Variants in TLL2 observed in about 807,000 individuals in gnomAD.
TLL2 encodes the protein tolloid like 2.
Under a neutral mutation model 123.0 loss-of-function variants are expected in TLL2, and 106 were observed. The observed-to-expected ratio is 0.86, with a 90% CI of 0.74 to 1.01. The LOEUF is 1.01. Among genes scored for constraint, TLL2 ranks in the 50% least tolerant of loss-of-function variants. The pLI is 0.00. For synonymous variants in TLL2, 494 were observed against 516.8 expected (o/e 0.96, Z 0.60); for missense variants, 1,332 against 1,336.7 (o/e 1.00, Z 0.06).
At chr10:96,420,078 C>T (rs1260440374) in intron 7 of TLL2, among the ~76,000 whole-genome samples, 1 of 152,162 alleles carries the variant, frequency 6.6e-6, no homozygotes, top group Non-Finnish European at 1.5e-5. Flanking sequence ...ATTTTTATCT[C>T]ATGTGTATAT....
At chr10:96,491,912 G>A (rs1463554681) in intron 1 of TLL2, among the ~76,000 whole-genome samples, 1 of 152,154 alleles carries the variant, frequency 6.6e-6, no homozygotes, top group Non-Finnish European at 1.5e-5. Context: ...GTAAGTACCT[G>A]TAAAGTACCT....
rs201122210 is a variant in TLL2, at chr10:96,392,447, GTT to G, written c.1726+2738_1726+2739del. ...AAGTTCAAATGTAACTAGGCATCCT[GTT>G]TTTTTTTTTTTAATTTCCTAAACCT... On this transcript the variant is annotated intron_variant, in intron 13 of 20. Transcript: ENST00000357947. Among the ~76,000 whole-genome samples, 431 of 146,716 alleles carry G rather than the reference GTT, an allele frequency of 2.9e-3. 1 individual carries two copies. Among genetic ancestry groups the G allele is most frequent in the African/African-American group, 0.01 (415 of 40,146 alleles).
chr10:96,381,333 C>G (rs927918953), intron 16 of TLL2, among the ~76,000 whole-genome samples: 3 of 152,198 alleles, frequency 2.0e-5, no homozygotes, highest in African/African-American at 4.8e-5. Context: ...TTCATCGGGT[C>G]CCTACTCTTC....
chr10:96,487,992 C>T (rs1564917565), intron 1 of TLL2, among the ~76,000 whole-genome samples: 1 of 152,238 alleles, frequency 6.6e-6, no homozygotes, highest in African/African-American at 2.4e-5. Flanking sequence ...CCCCAGCTCA[C>T]GTCCTGCCTG....
At chr10:96,430,755 G>A (rs1351128279) in intron 4 of TLL2, among the ~76,000 whole-genome samples, 1 of 152,106 alleles carries the variant, frequency 6.6e-6, no homozygotes, top group Non-Finnish European at 1.5e-5. Context: ...GGTGGCACAC[G>A]CCTGTAGTCT....
At chr10:96,429,289 G>A (rs1846711923) in intron 4 of TLL2, among the ~76,000 whole-genome samples, 1 of 150,996 alleles carries the variant, frequency 6.6e-6, no homozygotes, top group South Asian at 2.1e-4. Flanking sequence ...TATGGTGATC[G>A]AGACATAATA....
intron 18 of TLL2, 79 bp downstream of exon 18, chr10:96,376,613 A>G (rs1846139724): frequency 4.0e-6 from 6 of 1,491,162 alleles, no homozygotes; most frequent in Non-Finnish European, 4.6e-6. Context: ...AGAGCTGGGA[A>G]GTGGCAGAGC....
intron 2 of TLL2, among the ~76,000 whole-genome samples, chr10:96,474,401 AC>A (rs1380713620): frequency 6.6e-6 from 1 of 152,250 alleles, no homozygotes; most frequent in Non-Finnish European, 1.5e-5. Flanking sequence ...AAGAGGCATC[AC>A]AAATGCAGCT....
At chr10:96,413,344 GA>G (rs780186648) in intron 7 of TLL2, 28 bp from the exon 8 acceptor site, 22 of 1,607,082 alleles carry the variant, frequency 1.4e-5, no homozygotes, top group Non-Finnish European at 1.8e-5. Flanking sequence ...GACAGAAAAA[GA>G]AAAGTCAAGG....
intron 1 of TLL2, among the ~76,000 whole-genome samples, chr10:96,504,617 T>G (rs1206370326): frequency 6.6e-6 from 1 of 152,138 alleles, no homozygotes; most frequent in Non-Finnish European, 1.5e-5. Flanking sequence ...CTATCAGAAT[T>G]GGCACCATTA....
intron 4 of TLL2, among the ~76,000 whole-genome samples, chr10:96,430,735 A>G (rs1846729765): frequency 6.6e-6 from 1 of 152,152 alleles, no homozygotes; most frequent in Non-Finnish European, 1.5e-5. Context: ...AGAAAAAATT[A>G]GCTGGGCTTG....
intron 8 of TLL2, among the ~76,000 whole-genome samples, chr10:96,411,675 A>C (rs538730109): frequency 6.6e-6 from 1 of 152,356 alleles, no homozygotes; most frequent in East Asian, 1.9e-4. Flanking sequence ...TTATGTGGCC[A>C]ACCCTAACAT....
intron 4 of TLL2, among the ~76,000 whole-genome samples, chr10:96,430,301 C>T (rs1846724725): frequency 6.6e-6 from 1 of 152,152 alleles, no homozygotes; most frequent in Admixed American, 6.5e-5. Context: ...TCTCTTGCTC[C>T]CTCCCACCAT....
intron 15 of TLL2, 98 bp from the exon 16 acceptor site, chr10:96,384,865 CG>C (rs1846218652): frequency 8.2e-7 from 1 of 1,220,890 alleles, no homozygotes; most frequent in African/African-American, 1.5e-5. Context: ...CTCACCCTAC[CG>C]TGTGTGGCGG....
chr10:96,423,473 C>G (rs1401720649), intron 5 of TLL2, among the ~76,000 whole-genome samples: 11 of 152,118 alleles, frequency 7.2e-5, no homozygotes, highest in Non-Finnish European at 1.0e-4. Context: ...CTTCTGGGCA[C>G]AATCATTTTT....
At chr10:96,513,094 C>T (rs1156936667) in intron 1 of TLL2, among the ~76,000 whole-genome samples, 1 of 152,248 alleles carries the variant, frequency 6.6e-6, no homozygotes, top group Non-Finnish European at 1.5e-5. Flanking sequence ...CTTAAAAATG[C>T]TGTGAAATCG....
At chr10:96,459,867 G>C (rs974572635) in intron 2 of TLL2, among the ~76,000 whole-genome samples, 9 of 150,830 alleles carry the variant, frequency 6.0e-5, no homozygotes, top group African/African-American at 2.2e-4. Context: ...TTATTATTTA[G>C]AACTGGGGGG....
At chr10:96,406,549 G>A (rs1418504898) in intron 9 of TLL2, among the ~76,000 whole-genome samples, 1 of 151,960 alleles carries the variant, frequency 6.6e-6, no homozygotes, top group Non-Finnish European at 1.5e-5. Context: ...CAGCCCCAGG[G>A]GCCCTCTAGC....
intron 7 of TLL2, among the ~76,000 whole-genome samples, chr10:96,418,507 C>T (rs1004885482): frequency 2.0e-5 from 3 of 152,148 alleles, no homozygotes; most frequent in Non-Finnish European, 2.9e-5. Flanking sequence ...CATTGCAGGT[C>T]CTCCTGGCCC....
Sources: gnomAD v4.1 joint callset for allele counts (sites outside exome capture counted in the v4.1 genomes callset) on GRCh38, gnomAD v4.1.1 for gene constraint, MANE v1.5 for transcripts, NCBI Gene and HGNC (gene_info 2026-07-23, HGNC 2026-07-21) for gene names.